Variants in SH3BP4 observed in about 807,000 individuals in gnomAD.
SH3BP4 encodes the protein SH3 domain binding protein 4, also known as SH3 domain-binding protein 4.
Under a neutral mutation model 65.5 loss-of-function variants are expected in SH3BP4, and 33 were observed. That is an observed-to-expected ratio of 0.50 (90% confidence interval 0.38 to 0.67). The LOEUF (loss-of-function observed/expected upper bound fraction) is 0.67, where lower values mean the gene tolerates loss of function less well. Ranked by LOEUF, SH3BP4 falls within the 30% of genes least tolerant of loss-of-function variation. The probability of loss-of-function intolerance (pLI) is 0.00; values close to 1 mark genes in which losing one functional copy is unlikely to be tolerated. For synonymous variants in SH3BP4, 552 were observed against 545.5 expected (o/e 1.01, Z -0.17); for missense variants, 1,134 against 1,261.4 (o/e 0.90, Z 1.53).
In SH3BP4 at chr2:234,991,059, G is replaced by T. The variant is rs1693733368; in HGVS notation, c.-206-4244G>T. The stretch of plus-strand genomic sequence containing the variant: ...AGCTTGATTGCACCTTGAACACTCT[G>T]TCTCCAAATAAGGTCACTTTCTGAG... On this transcript the variant is annotated intron_variant, in intron 1 of 5. Transcript: ENST00000392011. This position sits in a 1 kb window ranked among gnomAD's most constrained non-coding sequence, Gnocchi z 4.2. 6.6e-6 allele frequency among the ~76,000 whole-genome samples: 1 copy of T among 152,128 alleles called. No individual in the cohort carries two copies. Among genetic ancestry groups the T allele is most frequent in the Non-Finnish European group, 1.5e-5 (1 of 68,026 alleles).
chr2:235,006,243 C>T (rs912523950), intron 2 of SH3BP4, among the ~76,000 whole-genome samples: 1 of 152,194 alleles, frequency 6.6e-6, no homozygotes, highest in East Asian at 1.9e-4. Flanking sequence ...GGCTTTGTTC[C>T]GCGAGGATTT....
chr2:235,022,457 G>A (rs2106311022), intron 2 of SH3BP4, among the ~76,000 whole-genome samples: 1 of 152,242 alleles, frequency 6.6e-6, no homozygotes, highest in East Asian at 1.9e-4. Flanking sequence ...GGAGGTGGAG[G>A]CGGCAGTGAG....
rs1165759798 is a variant in SH3BP4 at position 235,054,206 on chromosome 2, A to AAT, written c.*390_*391insAT. On this transcript the variant is annotated 3_prime_UTR_variant, in exon 6 of 6. Coordinates refer to ENST00000392011, the MANE Select transcript of SH3BP4 (RefSeq NM_014521.3). ...GTTATAGACCTTTTTAAATTATGTT[A>AAT]GAGATGTATATAGGTATTTAAAGGT... is the stretch of plus-strand genomic sequence containing the variant. 5.4e-6 allele frequency: 1 copy of AAT among 185,392 alleles called. No homozygotes were observed. Among genetic ancestry groups the AAT allele is most frequent in the East Asian group, 1.2e-4 (1 of 8,082 alleles). The allele number at this position is 185,392 out of a possible 1,614,324, so 11.5% of individuals were successfully genotyped here. A position where few individuals can be genotyped will look rare whatever the true frequency, so the allele number is the denominator to read the frequency against.
At chr2:235,039,077 G>T (rs1203809465) in intron 3 of SH3BP4, among the ~76,000 whole-genome samples, 1 of 152,174 alleles carries the variant, frequency 6.6e-6, no homozygotes, top group African/African-American at 2.4e-5. Context: ...CATGAGTGGA[G>T]TCTTAGGCTC....
At chr2:235,029,219 G>A (rs1229685460) in intron 2 of SH3BP4, among the ~76,000 whole-genome samples, 2 of 152,156 alleles carry the variant, frequency 1.3e-5, no homozygotes, top group East Asian at 1.9e-4. Flanking sequence ...AGAGAGGGAC[G>A]GGGCAGGGAA....
At chr2:235,006,145 G>C (rs1694286677) in intron 2 of SH3BP4, among the ~76,000 whole-genome samples, 1 of 152,130 alleles carries the variant, frequency 6.6e-6, no homozygotes, top group Admixed American at 6.5e-5. Context: ...GCACACGCCG[G>C]CCACGGCTTT....
intron 1 of SH3BP4, among the ~76,000 whole-genome samples, chr2:234,970,399 G>C (rs1031113186): frequency 1.3e-5 from 2 of 152,112 alleles, no homozygotes; most frequent in Admixed American, 6.6e-5. Flanking sequence ...GGGACCTCTG[G>C]CTTTTTAATT....
At chr2:235,037,947 T>C (rs1399358185) in intron 3 of SH3BP4, among the ~76,000 whole-genome samples, 1 of 151,942 alleles carries the variant, frequency 6.6e-6, no homozygotes, top group Non-Finnish European at 1.5e-5. Context: ...ATTCAGACAC[T>C]GCTTTCACCA....
chr2:235,051,258 A>G (rs1203395745), intron 4 of SH3BP4, among the ~76,000 whole-genome samples: 1 of 152,152 alleles, frequency 6.6e-6, no homozygotes, highest in Non-Finnish European at 1.5e-5. Flanking sequence ...AGTGGCAGTC[A>G]TGTGACTTGG....
At chr2:234,984,658 T>C (rs1350067579) in intron 1 of SH3BP4, among the ~76,000 whole-genome samples, 1 of 152,174 alleles carries the variant, frequency 6.6e-6, no homozygotes, top group East Asian at 1.9e-4. Flanking sequence ...CAGAACCGAC[T>C]GAGTGCTCAG....
At position 234,977,584 on chromosome 2, in the gene SH3BP4, C is replaced by A. The variant is rs1462868791; in HGVS notation, c.-206-17719C>A. On this transcript the variant is annotated intron_variant, in intron 1 of 5. Transcript: ENST00000392011. The surrounding 1 kb of genome is among the most constrained non-coding windows in gnomAD (Gnocchi z 5.1). ...GACTGGCAGGTGTTGGACCTGTGGCCGTGGTGCCAGCCCCCACTAATCCCA... is the reference window on the plus strand; with the variant it reads ...GACTGGCAGGTGTTGGACCTGTGGCAGTGGTGCCAGCCCCCACTAATCCCA... 1.3e-5 allele frequency among the ~76,000 whole-genome samples: 2 copies of A among 152,072 alleles called. No individual in the cohort carries two copies. Among genetic ancestry groups the A allele is most frequent in the Non-Finnish European group, 2.9e-5 (2 of 68,004 alleles).
intron 4 of SH3BP4, among the ~76,000 whole-genome samples, chr2:235,048,334 C>G (rs531922336): frequency 6.6e-6 from 1 of 152,168 alleles, no homozygotes; most frequent in Admixed American, 6.5e-5. Context: ...GAGTATTTTC[C>G]CCCGCCCCTT....
chr2:234,983,399 C>T (rs1183630771), intron 1 of SH3BP4: 1 of 152,224 alleles, frequency 6.6e-6, no homozygotes, highest in Non-Finnish European at 1.5e-5. Context: ...TTCATGGAGC[C>T]TGTTCTGGTG....
chr2:234,989,379 G>GT (rs1186384826), intron 1 of SH3BP4, among the ~76,000 whole-genome samples: 2 of 152,120 alleles, frequency 1.3e-5, no homozygotes, highest in African/African-American at 4.8e-5. Context: ...CCACACCTAC[G>GT]TCTGCTTTTC....
In SH3BP4 at chr2:234,978,489, T is replaced by C. The variant is rs902105106; in HGVS notation, c.-206-16814T>C. 1.3e-5 allele frequency among the ~76,000 whole-genome samples: 2 copies of C among 152,218 alleles called. No individual in the cohort carries two copies. Among genetic ancestry groups the C allele is most frequent in the African/African-American group, 4.8e-5 (2 of 41,452 alleles). On this transcript the variant is annotated intron_variant, in intron 1 of 5. Coordinates refer to ENST00000392011, the MANE Select transcript of SH3BP4 (RefSeq NM_014521.3). The surrounding 1 kb of genome is among the most constrained non-coding windows in gnomAD (Gnocchi z 4.1). ...CCCACTGGTCATCCGTCCAGCACTCTGTGCTCGCTGACTGGTGCGGTGAAC... is the reference window on the plus strand; with the variant it reads ...CCCACTGGTCATCCGTCCAGCACTCCGTGCTCGCTGACTGGTGCGGTGAAC...
chr2:235,037,169 T>C (rs1024987878), intron 3 of SH3BP4, among the ~76,000 whole-genome samples: 10 of 152,318 alleles, frequency 6.6e-5, no homozygotes, highest in Admixed American at 2.6e-4. Context: ...GGGAGATTTT[T>C]GTATTAAAAT....
chr2:235,035,261 AAT>A lies in SH3BP4; in HGVS notation c.118+143_118+144del. The A allele has an allele frequency of 1.4e-6, 1 of 724,762 alleles. No homozygotes were observed. The highest frequency in any genetic ancestry group is 2.4e-6 in the Non-Finnish European group (1 of 412,750). 44.9% of individuals were successfully genotyped at this position (724,762 alleles called of 1,614,324 possible). A position where few individuals can be genotyped will look rare whatever the true frequency, so the allele number is the denominator to read the frequency against. ...TTAGTTCTTTAAACTTCATCATGGT[AAT>A]AGATTTAGCCCTGGAATCATAGTCA... On this transcript the variant is annotated intron_variant, in intron 3 of 5. Transcript: ENST00000392011. The surrounding 1 kb of genome is among the most constrained non-coding windows in gnomAD (Gnocchi z 5.0).
At chr2:234,975,094 T>C (rs905628966) in intron 1 of SH3BP4, among the ~76,000 whole-genome samples, 2 of 152,082 alleles carry the variant, frequency 1.3e-5, no homozygotes, top group Non-Finnish European at 2.9e-5. Flanking sequence ...TCTGGGTTCG[T>C]TTGGTGCCGG....
At chr2:234,999,776 AGTG>A (rs1481192309) in intron 2 of SH3BP4, among the ~76,000 whole-genome samples, 15 of 152,250 alleles carry the variant, frequency 9.9e-5, no homozygotes. Flanking sequence ...AAGAGAGCAC[AGTG>A]AATCTTCTCA....
Sources: gnomAD v4.1 joint callset for allele counts (sites outside exome capture counted in the v4.1 genomes callset) on GRCh38, gnomAD v4.1.1 for gene constraint, Gnocchi (gnomAD v3.1) non-coding constraint, MANE v1.5 for transcripts, NCBI Gene and HGNC (gene_info 2026-07-23, HGNC 2026-07-21) for gene names.